The following UBE3B variants were observed in gnomAD, a reference collection of about 807,000 sequenced individuals.
UBE3B encodes the protein ubiquitin-protein ligase E3B.
Under a neutral mutation model 132.3 loss-of-function variants are expected in UBE3B, and 80 were observed. The ratio of observed to expected loss-of-function variants is 0.60; its 90% CI spans 0.50 to 0.73. UBE3B has a LOEUF of 0.73. UBE3B is among the 30% of genes least tolerant of loss of function. The probability of loss-of-function intolerance (pLI) is 0.00; values close to 1 mark genes in which losing one functional copy is unlikely to be tolerated. For missense variants in UBE3B, 1,196 were observed against 1,362.5 expected, an observed-to-expected ratio of 0.88 and a Z score of 1.92; for synonymous variants, 487 against 520.4, an observed-to-expected ratio of 0.94 and a Z score of 0.87.
chr12:109,524,562 GC>G (rs1230527014), intron 23 of UBE3B, 59 bp downstream of exon 23: 1 of 1,573,538 alleles, frequency 6.4e-7, no homozygotes, highest in African/African-American at 1.3e-5. Flanking sequence ...CCTGAGACCT[GC>G]CGTGTTATTT....
chr12:109,526,984 C>T (rs534863176), intron 24 of UBE3B, among the ~76,000 whole-genome samples: 3 of 152,220 alleles, frequency 2.0e-5, no homozygotes, highest in South Asian at 2.1e-4. Flanking sequence ...TTAATAACGG[C>T]CCTAGATGCT....
chr12:109,516,167 C>CTTTTTTTTTT (rs59084691), intron 18 of UBE3B, among the ~76,000 whole-genome samples: 244 of 91,132 alleles, frequency 2.7e-3, no homozygotes, highest in Non-Finnish European at 3.4e-3. Context: ...TCTTTTTTTT[C>CTTTTTTTTTT]TTTTTTTTTT....
chr12:109,527,854 G>A (rs79042462), intron 24 of UBE3B, among the ~76,000 whole-genome samples: 4,290 of 152,280 alleles, frequency 0.028, 204 homozygotes, highest in African/African-American at 0.094. Flanking sequence ...GCTCAGAGGA[G>A]GGCTTAAATG....
chr12:109,492,592 CATT>C (rs1877623319), intron 9 of UBE3B: 1 of 152,082 alleles, frequency 6.6e-6, no homozygotes, highest in South Asian at 2.1e-4. Context: ...AAAATACAAA[CATT>C]AGCTGGGCAT....
At chr12:109,542,972 G>C in the UBE3B span, among the ~76,000 whole-genome samples, 2 of 152,192 alleles carry the variant, frequency 1.3e-5, no homozygotes, top group Non-Finnish European at 2.9e-5. Context: ...ACCAGGATTT[G>C]AACTTGGGCT....
chr12:109,540,680 A>G (rs772157158), downstream of UBE3B, among the ~76,000 whole-genome samples: 4 of 152,372 alleles, frequency 2.6e-5, no homozygotes, highest in Non-Finnish European at 4.4e-5. Flanking sequence ...CTTGGCCTTC[A>G]GACCACGGGC....
intron 9 of UBE3B, chr12:109,492,791 T>C (rs1272512769): frequency 6.6e-6 from 1 of 152,182 alleles, no homozygotes; most frequent in African/African-American, 2.4e-5. Context: ...ATGATATGTT[T>C]TTATTTAAAC....
Position 109,534,075 on chromosome 12 carries a change from C to A in UBE3B, c.3016-516C>A, listed in dbSNP as rs903565118. On this transcript the variant is annotated intron_variant, in intron 27 of 27. Coordinates refer to ENST00000342494, the MANE Select transcript of UBE3B (RefSeq NM_130466.4). The surrounding 1 kb of genome is among the most constrained non-coding windows in gnomAD (Gnocchi z 5.2). ...TGGGTGCTCAAATGAGAGTCCTACT[C>A]CCCATAAAAACCCAGTGGCCGCCTC... is the stretch of plus-strand genomic sequence containing the variant. The A allele has an allele frequency of 7.7e-7, 1 of 1,294,662 alleles. No homozygotes were observed. 80.2% of individuals were successfully genotyped at this position (1,294,662 alleles called of 1,614,324 possible).
chr12:109,524,413 A>G, intron 22 of UBE3B, 25 bp from the exon 23 acceptor site: 2 of 1,609,406 alleles, frequency 1.2e-6, no homozygotes, highest in Non-Finnish European at 1.7e-6. Context: ...TGGCCCTAAC[A>G]CTTTCCCCTT....
At chr12:109,530,841 C>T (rs1368913516) in intron 26 of UBE3B, among the ~76,000 whole-genome samples, 183 bp downstream of exon 26, 1 of 152,224 alleles carries the variant, frequency 6.6e-6, no homozygotes, top group Non-Finnish European at 1.5e-5. Flanking sequence ...GCTTGAGGGG[C>T]ACGGCCGAGC....
downstream of UBE3B, among the ~76,000 whole-genome samples, chr12:109,538,757 G>A (rs983566009): frequency 1.3e-5 from 2 of 152,294 alleles, no homozygotes; most frequent in South Asian, 2.1e-4. The surrounding 1 kb of genome is among the most constrained non-coding windows in gnomAD (Gnocchi z 4.1). Flanking sequence ...AGGCAAGATC[G>A]GAGGAAAGTC....
chr12:109,509,678 T>G lies in UBE3B; in HGVS notation c.1705T>G (p.Ser569Ala). Residue 569 changes from serine (S) to alanine (A), a missense_variant, in exon 16 of 28, where the codon TCT becomes GCT. Physicochemically the swap from Ser to Ala is moderately conservative, Grantham distance 99. Coordinates refer to ENST00000342494, the MANE Select transcript of UBE3B (RefSeq NM_130466.4). ...GGTCACTATCTCCTCTTTCCTGAAT[T>G]CTTTTGTGTTTAAGATGATCTGGGA... ...ELVTISSFLN[S>A]FVFKMIWDGI... 6.2e-7 allele frequency: 1 copy of G among 1,610,362 alleles called. No homozygotes were observed. Among genetic ancestry groups the G allele is most frequent in the African/African-American group, 1.3e-5 (1 of 74,820 alleles).
At chr12:109,498,564 T>G (rs975603607) in intron 11 of UBE3B, among the ~76,000 whole-genome samples, 2 of 152,228 alleles carry the variant, frequency 1.3e-5, no homozygotes, top group Non-Finnish European at 2.9e-5. Flanking sequence ...GTTAAGTGAC[T>G]GTTAATGAAC....
At chr12:109,481,154 C>G (rs1875343488) in intron 1 of UBE3B, among the ~76,000 whole-genome samples, 1 of 151,324 alleles carries the variant, frequency 6.6e-6, no homozygotes, top group Non-Finnish European at 1.5e-5. Flanking sequence ...TGGCTCACAC[C>G]TGTAACCCCA....
Position 109,510,387 on chromosome 12 carries a change from C to T in UBE3B, c.1785C>T (p.His595=), listed in dbSNP as rs149485673. 2.0e-5 allele frequency: 33 copies of T among 1,612,600 alleles called. No homozygotes were observed. The highest frequency in any genetic ancestry group is 8.0e-5 in the African/African-American group (6 of 74,890). ...CCTTGGAGCTGTTCCAGTCTGTCCA[C>T]GGGTGGCTTATGGTGCTGTACGAGC... is the stretch of plus-strand genomic sequence containing the variant. The part of the protein sequence containing the change: ...GETLELFQSV[H]GWLMVLYERD... Residue 595 remains histidine, a synonymous_variant, in exon 17 of 28, where the codon CAC becomes CAT. Coordinates refer to ENST00000342494, the MANE Select transcript of UBE3B (RefSeq NM_130466.4).
intron 9 of UBE3B, 97 bp downstream of exon 9, chr12:109,491,224 G>T: frequency 8.7e-7 from 1 of 1,149,500 alleles, no homozygotes; most frequent in South Asian, 1.6e-5. Flanking sequence ...GTATAGACTT[G>T]CCCATTTTGT....
downstream of UBE3B, among the ~76,000 whole-genome samples, chr12:109,541,316 A>G (rs1275707339): frequency 1.3e-5 from 2 of 152,186 alleles, no homozygotes; most frequent in Non-Finnish European, 2.9e-5. Flanking sequence ...GGTCAAGGGC[A>G]CAGGCCTTGA....
chr12:109,539,485 G>C (rs1024428481), downstream of UBE3B, among the ~76,000 whole-genome samples: 2 of 152,184 alleles, frequency 1.3e-5, no homozygotes, highest in African/African-American at 4.8e-5. Flanking sequence ...TGCCGCCCAC[G>C]ATCTGGGAGG....
intron 8 of UBE3B, chr12:109,490,551 G>A: frequency 2.0e-6 from 3 of 1,536,022 alleles, no homozygotes; most frequent in Non-Finnish European, 2.6e-6. Flanking sequence ...CCTGTGAGGT[G>A]GTCCGTTGGC....
Sources: allele counts gnomAD v4.1 joint callset (sites outside exome capture counted in the v4.1 genomes callset), GRCh38; gene constraint gnomAD v4.1.1; non-coding constraint Gnocchi (gnomAD v3.1); transcripts MANE v1.5; gene names NCBI Gene and HGNC (gene_info 2026-07-23, HGNC 2026-07-21).